Variants in RUNX1 observed in about 807,000 individuals in gnomAD.
RUNX1 encodes runt-related transcription factor 1.
RUNX1 carries 19 observed loss-of-function variants against 42.8 expected under a neutral mutation model. The observed-to-expected ratio is 0.44, with a 90% CI of 0.31 to 0.65. RUNX1 has a LOEUF of 0.65. Ranked by LOEUF, RUNX1 falls within the 30% of genes least tolerant of loss-of-function variation. The probability of loss-of-function intolerance (pLI) is 0.07; values close to 1 mark genes in which losing one functional copy is unlikely to be tolerated. For synonymous variants in RUNX1, 271 were observed against 289.4 expected, an observed-to-expected ratio of 0.94 and a Z score of 0.64; for missense variants, 528 against 672.0, an observed-to-expected ratio of 0.79 and a Z score of 2.37.
chr21:34,791,908 C>G lies in RUNX1; in HGVS notation c.*227G>C. 3.4e-6 allele frequency: 1 copy of G among 295,380 alleles called. No individual in the cohort carries two copies. Among genetic ancestry groups the G allele is most frequent in the South Asian group, 6.7e-5 (1 of 14,930 alleles). 18.3% of individuals were successfully genotyped at this position (295,380 alleles called of 1,614,324 possible). A position where few individuals can be genotyped will look rare whatever the true frequency, so the allele number is the denominator to read the frequency against. ...CGAGGTGCGTCGCCTCGGACACCTC[C>G]GCGAGGGCCGGGGCGCCAGCAGACG... On this transcript the variant is annotated 3_prime_UTR_variant, in exon 9 of 9. Transcript: ENST00000675419.
rs558666721 is a variant in RUNX1 at position 34,818,711 on chromosome 21, G to A, written c.805+15699C>T. Among the ~76,000 whole-genome samples the A allele has an allele frequency of 3.8e-4, 58 of 152,322 alleles. 1 individual carries two copies. The highest frequency in any genetic ancestry group is 1.4e-3 in the African/African-American group (58 of 41,566). On this transcript the variant is annotated intron_variant, in intron 7 of 8. Transcript: ENST00000675419. ...TTAACACACACAACATAAATCAGAG[G>A]AGGATGGACCAGCCGACCGGCAGCT...
At chr21:34,999,772 CACA>C (rs2059026383) in intron 2 of RUNX1, among the ~76,000 whole-genome samples, 2 of 152,202 alleles carry the variant, frequency 1.3e-5, no homozygotes, top group South Asian at 4.1e-4. Context: ...TCCCGTTAGG[CACA>C]AGACGGTGTA....
chr21:34,984,543 A>G lies in RUNX1; in HGVS notation c.58+64299T>C, dbSNP rs185480276. ...GTTTGAGATTCACTATTTCAGAGGA[A>G]GTGGTGGCAAAAGGAAGAAGAGAAA... On this transcript the variant is annotated intron_variant, in intron 2 of 8. Transcript: ENST00000675419. 3.1e-4 allele frequency among the ~76,000 whole-genome samples: 47 copies of G among 152,318 alleles called. 1 individual carries two copies. The highest frequency in any genetic ancestry group is 2.8e-3 in the Admixed American group (43 of 15,306).
intron 7 of RUNX1, among the ~76,000 whole-genome samples, chr21:34,805,004 C>T (rs769533277): frequency 5.9e-5 from 9 of 152,072 alleles, no homozygotes; most frequent in Admixed American, 1.3e-4. Flanking sequence ...CCACCCACTT[C>T]GGCCTTCCAA....
chr21:34,869,728 C>T (rs367694388), intron 5 of RUNX1, among the ~76,000 whole-genome samples: 6 of 152,256 alleles, frequency 3.9e-5, no homozygotes, highest in African/African-American at 1.4e-4. Context: ...TAGTCCAAGG[C>T]GAGCTGCCGT....
Position 34,792,029 on chromosome 21 carries a change from G to A in RUNX1, c.*106C>T. ...CGCCCTCGGCCCCAGGACGGTGGCC[G>A]GGCCCAGGGCCCGGGATCCCGGCGG... On this transcript the variant is annotated 3_prime_UTR_variant, in exon 9 of 9. Coordinates refer to ENST00000675419, the MANE Select transcript of RUNX1 (RefSeq NM_001754.5). The surrounding 1 kb of genome is among the most constrained non-coding windows in gnomAD (Gnocchi z 6.9). 2.8e-6 allele frequency: 2 copies of A among 704,224 alleles called. No homozygotes were observed. The highest frequency in any genetic ancestry group is 2.1e-6 in the Non-Finnish European group (1 of 476,152). 43.6% of individuals were successfully genotyped at this position (704,224 alleles called of 1,614,324 possible). A position where few individuals can be genotyped will look rare whatever the true frequency, so the allele number is the denominator to read the frequency against.
rs147610496 is a variant in RUNX1, at chr21:34,884,129, C to T, written c.351+2714G>A. Among the ~76,000 whole-genome samples the T allele has an allele frequency of 3.3e-5, 5 of 152,202 alleles. No individual in the cohort carries two copies. The East Asian group carries it at 9.6e-4, about 29-fold the overall frequency. Reference sequence around the variant, plus strand: ...TTTTAGGCTAATTCTGTAAGTACAGCAAAACACACAGCAAACTTAAGGTTT... The same window carrying T: ...TTTTAGGCTAATTCTGTAAGTACAGTAAAACACACAGCAAACTTAAGGTTT... On this transcript the variant is annotated intron_variant, in intron 4 of 8. Coordinates refer to ENST00000675419, the MANE Select transcript of RUNX1 (RefSeq NM_001754.5).
At chr21:34,914,789 C>G (rs1335500516) in intron 2 of RUNX1, among the ~76,000 whole-genome samples, 3 of 152,218 alleles carry the variant, frequency 2.0e-5, no homozygotes, top group African/African-American at 7.2e-5. Context: ...CATTCTGCAA[C>G]TTGGCCTTGA....
chr21:34,834,806 G>A (rs1012448474), intron 6 of RUNX1, among the ~76,000 whole-genome samples: 6 of 151,876 alleles, frequency 4.0e-5, no homozygotes, highest in South Asian at 2.1e-4. Flanking sequence ...CCCTTTCACC[G>A]CCTCGGCCAC....
At position 34,928,679 on chromosome 21, in the gene RUNX1, T is replaced by TAA. The variant is rs11389057; in HGVS notation, c.59-35718_59-35717dup. Among the ~76,000 whole-genome samples, 1,291 of 140,674 alleles carry TAA rather than the reference T, an allele frequency of 9.2e-3. 22 individuals carry two copies. Among genetic ancestry groups the TAA allele is most frequent in the African/African-American group, 0.031 (1,224 of 39,022 alleles). 92.3% of individuals were successfully genotyped at this position (140,674 alleles called of 152,430 possible). On this transcript the variant is annotated intron_variant, in intron 2 of 8. Transcript: ENST00000675419. ...TGGGCGACAGAGTGCGACTCCATCT[T>TAA]AAAAAAAAAAAAAAGGCCAAGTTAC...
chr21:34,849,487 A>C (rs2057386364), intron 6 of RUNX1, among the ~76,000 whole-genome samples: 1 of 101,182 alleles, frequency 9.9e-6, no homozygotes, highest in African/African-American at 3.8e-5. Context: ...TATATTATAT[A>C]TATATATATT....
In RUNX1 at chr21:34,901,564, T is replaced by C. The variant is rs1478171294; in HGVS notation, c.59-8601A>G. Among the ~76,000 whole-genome samples the C allele has an allele frequency of 6.6e-6, 1 of 152,048 alleles. No homozygotes were observed. The highest frequency in any genetic ancestry group is 2.4e-5 in the African/African-American group (1 of 41,378). ...CAATACCAGTTTCTATCTGTTAGTCTTACGGGTTGAAGACAGAGGTTAAGG... is the reference window on the plus strand; with the variant it reads ...CAATACCAGTTTCTATCTGTTAGTCCTACGGGTTGAAGACAGAGGTTAAGG... On this transcript the variant is annotated intron_variant, in intron 2 of 8. Coordinates refer to ENST00000675419, the MANE Select transcript of RUNX1 (RefSeq NM_001754.5). The surrounding 1 kb of genome is among the most constrained non-coding windows in gnomAD (Gnocchi z 4.3).
At chr21:35,031,519 T>C (rs1469427606) in intron 2 of RUNX1, among the ~76,000 whole-genome samples, 1 of 152,140 alleles carries the variant, frequency 6.6e-6, no homozygotes, top group East Asian at 1.9e-4. Context: ...TTTTTTGGTA[T>C]ATATCCAAAG....
intron 2 of RUNX1, among the ~76,000 whole-genome samples, chr21:34,896,413 T>C (rs2058130432): frequency 6.6e-6 from 1 of 152,210 alleles, no homozygotes; most frequent in Admixed American, 6.5e-5. Flanking sequence ...CCGGGCATGG[T>C]GGCTAACGCC....
At chr21:34,892,889 A>C in intron 3 of RUNX1, 36 bp downstream of exon 3, 1 of 1,248,918 alleles carries the variant, frequency 8.0e-7, no homozygotes, top group Non-Finnish European at 1.2e-6. Flanking sequence ...GAAGGTGTGT[A>C]CTTTATTTAA....
At chr21:34,875,990 C>T (rs932654903) in intron 5 of RUNX1, among the ~76,000 whole-genome samples, 1 of 152,154 alleles carries the variant, frequency 6.6e-6, no homozygotes, top group African/African-American at 2.4e-5. Flanking sequence ...CAAGAACATA[C>T]CGAAGGAATT....
chr21:34,927,492 C>T (rs772398424), intron 2 of RUNX1, among the ~76,000 whole-genome samples: 28 of 152,294 alleles, frequency 1.8e-4, no homozygotes, highest in Non-Finnish European at 3.7e-4. Flanking sequence ...GGGTCAAAAA[C>T]GGTTTCTCTT....
chr21:35,003,654 A>G (rs2059062909), intron 2 of RUNX1, among the ~76,000 whole-genome samples: 1 of 152,216 alleles, frequency 6.6e-6, no homozygotes, highest in African/African-American at 2.4e-5. Context: ...CCACAGCTTT[A>G]TCTCCAAGCT....
At position 34,849,304 on chromosome 21, in the gene RUNX1, AATATATATTATATATATATTATATATACT is replaced by A. The variant is rs1368583778; in HGVS notation, c.613+10141_613+10169del. On this transcript the variant is annotated intron_variant, in intron 6 of 8. Coordinates refer to ENST00000675419, the MANE Select transcript of RUNX1 (RefSeq NM_001754.5). ...AATATATATTATATATAAAATATATAATATATATTATATATATATTATATATACTATATATATTATATATAGTATATATA... is the reference window on the plus strand; with the variant it reads ...AATATATATTATATATAAAATATATAATATATATTATATATAGTATATATA... Among the ~76,000 whole-genome samples the A allele has an allele frequency of 2.3e-4, 9 of 39,162 alleles. 1 individual carries two copies. The highest frequency in any genetic ancestry group is 9.2e-5 in the African/African-American group (1 of 10,872). 25.7% of individuals were successfully genotyped at this position (39,162 alleles called of 152,430 possible). A position where few individuals can be genotyped will look rare whatever the true frequency, so the allele number is the denominator to read the frequency against.
Sources: allele counts gnomAD v4.1 joint callset (sites outside exome capture counted in the v4.1 genomes callset), GRCh38; gene constraint gnomAD v4.1.1; non-coding constraint Gnocchi (gnomAD v3.1); transcripts MANE v1.5; gene names NCBI Gene and HGNC (gene_info 2026-07-23, HGNC 2026-07-21).